Variants in ACSF2 observed in about 807,000 individuals in gnomAD.
ACSF2 encodes the protein acyl-CoA synthetase family member 2.
In ACSF2, 52 loss-of-function variants were observed where a neutral mutation model predicts 79.3. The ratio of observed to expected loss-of-function variants is 0.66; its 90% CI spans 0.53 to 0.83. ACSF2 has a LOEUF of 0.83. ACSF2 is among the 40% of genes least tolerant of loss of function. ACSF2 has a pLI of 0.00. For synonymous variants in ACSF2, 283 were observed against 312.6 expected, an observed-to-expected ratio of 0.91 and a Z score of 1.00; for missense variants, 661 against 803.3, an observed-to-expected ratio of 0.82 and a Z score of 2.14.
chr17:50,457,243 G>A (rs1282415612), intron 1 of ACSF2, among the ~76,000 whole-genome samples: 1 of 152,224 alleles, frequency 6.6e-6, no homozygotes, highest in Non-Finnish European at 1.5e-5. Context: ...TCCCATAGGA[G>A]AAGATGTGCT....
chr17:50,460,797 G>T lies in ACSF2; in HGVS notation c.249G>T (p.Gln83His). 6.2e-7 allele frequency: 1 copy of T among 1,612,742 alleles called. No homozygotes were observed. The highest frequency in any genetic ancestry group is 8.5e-7 in the Non-Finnish European group (1 of 1,179,328). ...TVGQCLETTA[Q>H]RVPEREALVV... ...GCCAGTGCCTGGAGACCACAGCACA[G>T]AGGGTCCCAGAACGAGAGGCCTTGG... Residue 83 changes from glutamine to histidine, a missense_variant, in exon 2 of 16, where the codon CAG becomes CAT. By Grantham distance (24) the Gln-to-His change is conservative (BLOSUM62 0). Coordinates refer to ENST00000300441, the MANE Select transcript of ACSF2 (RefSeq NM_025149.6).
chr17:50,433,833 C>T (rs571138825), intron 1 of ACSF2, among the ~76,000 whole-genome samples: 5 of 152,046 alleles, frequency 3.3e-5, no homozygotes, highest in Non-Finnish European at 7.4e-5. Context: ...CTTTGTTGCC[C>T]CAGGTGGTCT....
chr17:50,461,861 GTGGT>G (rs2143706905), intron 4 of ACSF2, among the ~76,000 whole-genome samples, 175 bp downstream of exon 4: 1 of 152,238 alleles, frequency 6.6e-6, no homozygotes, highest in African/African-American at 2.4e-5. Flanking sequence ...CAAGGAGAGC[GTGGT>G]TGGTCAGACA....
At position 50,460,741 on chromosome 17, in the gene ACSF2, A is replaced by G. The variant is rs751239668; in HGVS notation, c.193A>G (p.Thr65Ala). The change falls in exon 2 of 16, where the codon ACC (threonine) becomes GCC (alanine). Residue 65 changes from threonine to alanine, a missense_variant. Physicochemically the swap from Thr to Ala is moderately conservative, Grantham distance 58. Coordinates refer to ENST00000300441, the MANE Select transcript of ACSF2 (RefSeq NM_025149.6). ...IGGLSYVQGC[T>A]KKHLNSKTVG... ...AGGCCTCAGCTACGTTCAGGGGTGC[A>G]CCAAAAAGCATCTTAACAGCAAGAC... is the stretch of plus-strand genomic sequence containing the variant. The G allele has an allele frequency of 2.5e-6, 4 of 1,613,508 alleles. No homozygotes were observed. The highest frequency in any genetic ancestry group is 1.1e-5 in the South Asian group (1 of 90,864).
At chr17:50,462,974 T>G in intron 6 of ACSF2, 182 bp from the exon 7 acceptor site, 1 of 624,394 alleles carries the variant, frequency 1.6e-6, no homozygotes, top group Non-Finnish European at 2.8e-6. Context: ...AGACCTTATC[T>G]TCTGCATTGC....
chr17:50,446,622 C>T (rs570796701), intron 1 of ACSF2, among the ~76,000 whole-genome samples: 1 of 152,306 alleles, frequency 6.6e-6, no homozygotes, highest in African/African-American at 2.4e-5. Context: ...AATCAAGACA[C>T]AGAACATGAC....
chr17:50,455,206 C>G (rs996972309), intron 1 of ACSF2, among the ~76,000 whole-genome samples: 2 of 152,196 alleles, frequency 1.3e-5, no homozygotes, highest in Non-Finnish European at 2.9e-5. Context: ...TGGTCTCAAA[C>G]TCCTGACCTC....
chr17:50,462,143 G>A, intron 4 of ACSF2, 41 bp from the exon 5 acceptor site: 2 of 1,585,118 alleles, frequency 1.3e-6, no homozygotes, highest in Non-Finnish European at 1.7e-6. Flanking sequence ...TCTAGTCTGG[G>A]GCTCCCCGCT....
In ACSF2 at chr17:50,472,595, G is replaced by T. The variant is rs766884963; in HGVS notation, c.1475+16G>T. The T allele has an allele frequency of 1.3e-6, 2 of 1,574,410 alleles. No homozygotes were observed. Among genetic ancestry groups the T allele is most frequent in the East Asian group, 2.4e-5 (1 of 41,936 alleles). On this transcript the variant is annotated intron_variant, in intron 12 of 15. Transcript: ENST00000300441. ...ATTGGACAGGGTGAGAAGGCAGGGC[G>T]GGGTGGAGGCTCTGGCCGCTGAGGG...
At position 50,472,130 on chromosome 17, in the gene ACSF2, G is replaced by A. The variant is rs375963081; in HGVS notation, c.1324-298G>A. 1.8e-5 allele frequency: 7 copies of A among 388,460 alleles called. No individual in the cohort carries two copies. The East Asian group carries it at 3.0e-4, about 17-fold the overall frequency. The allele number at this position is 388,460 out of a possible 1,614,324, so 24.1% of individuals were successfully genotyped here. On this transcript the variant is annotated intron_variant, in intron 11 of 15. Transcript: ENST00000300441. ...CTGCACGGTTTATAATTCTTCAGCT[G>A]GCTCTGCAGTCCACAAACCTCTTTC...
In ACSF2 at chr17:50,461,656, G is replaced by C; in HGVS notation, c.477G>C (p.Gln159His). The C allele has an allele frequency of 6.2e-7, 1 of 1,614,136 alleles. No homozygotes were observed. Residue 159 changes from glutamine to histidine, a missense_variant, in exon 4 of 16, where the codon CAG (glutamine) becomes CAC (histidine). Transcript: ENST00000300441. ...IILVSVNPAY[Q>H]AMELEYVLKK... ...AGGTGTCTGTGAACCCAGCCTACCA[G>C]GCTATGGAACTGGAGTATGTCCTCA...
intron 1 of ACSF2, among the ~76,000 whole-genome samples, chr17:50,447,411 G>A (rs1008640333): frequency 2.0e-5 from 3 of 151,908 alleles, no homozygotes; most frequent in East Asian, 1.9e-4. Flanking sequence ...GTGGTGGTGC[G>A]CGCTTAGAGT....
chr17:50,464,638 C>T (rs1187206580), intron 10 of ACSF2: 22 of 497,662 alleles, frequency 4.4e-5, no homozygotes, highest in Non-Finnish European at 8.6e-5. Flanking sequence ...CTTTAAAACC[C>T]TTTCTGGAAG....
In ACSF2 at chr17:50,427,920, G is replaced by C. The variant is rs115659256; in HGVS notation, c.128+1531G>C. ...CATTTATCCAGACAGATGATTTTCT[G>C]AGTGTTTGGCCTACTTTCTTTCTGC... On this transcript the variant is annotated intron_variant, in intron 1 of 15. Coordinates refer to ENST00000300441, the MANE Select transcript of ACSF2 (RefSeq NM_025149.6). Among the ~76,000 whole-genome samples the C allele has an allele frequency of 2.7e-3, 405 of 152,292 alleles. 1 individual carries two copies. The highest frequency in any genetic ancestry group is 9.5e-3 in the African/African-American group (394 of 41,552).
chr17:50,449,816 C>T (rs2031555357), intron 1 of ACSF2, among the ~76,000 whole-genome samples: 2 of 152,150 alleles, frequency 1.3e-5, no homozygotes, highest in Non-Finnish European at 2.9e-5. Flanking sequence ...GTATTAAGTA[C>T]AGTACACTCA....
At chr17:50,430,035 A>G (rs1241691711) in intron 1 of ACSF2, among the ~76,000 whole-genome samples, 1 of 152,184 alleles carries the variant, frequency 6.6e-6, no homozygotes, top group African/African-American at 2.4e-5. Context: ...GGGGCTGCCT[A>G]TGAGGCAGCT....
At position 50,471,020 on chromosome 17, in the gene ACSF2, C is replaced by T. The variant is rs889742671; in HGVS notation, c.1216-8C>T. On this transcript the variant is annotated splice_region_variant and splice_polypyrimidine_tract_variant and intron_variant, in intron 10 of 15. Coordinates refer to ENST00000300441, the MANE Select transcript of ACSF2 (RefSeq NM_025149.6). This position sits in a 1 kb window ranked among gnomAD's most constrained non-coding sequence, Gnocchi z 4.1. Reference sequence around the variant, plus strand: ...GCCCTCTTCAAACACCCTTTCTGGACCCTCTAGGTTGCTTATGGAACCACA... The same window carrying T: ...GCCCTCTTCAAACACCCTTTCTGGATCCTCTAGGTTGCTTATGGAACCACA... The T allele has an allele frequency of 1.2e-6, 2 of 1,610,752 alleles. No individual in the cohort carries two copies. Among genetic ancestry groups the T allele is most frequent in the Admixed American group, 1.7e-5 (1 of 60,016 alleles).
intron 10 of ACSF2, chr17:50,469,120 C>T (rs2032968047): frequency 2.4e-6 from 2 of 821,708 alleles, no homozygotes; most frequent in African/African-American, 3.7e-5. Context: ...CCCCCGCTCT[C>T]CTATGGTGCT....
chr17:50,461,736 G>T (rs368410432), intron 4 of ACSF2, 50 bp downstream of exon 4: 1 of 1,606,304 alleles, frequency 6.2e-7, no homozygotes. Flanking sequence ...GGCACAGGGG[G>T]CTGCACAGAC....
Sources: allele counts gnomAD v4.1 joint callset (sites outside exome capture counted in the v4.1 genomes callset), GRCh38; gene constraint gnomAD v4.1.1; non-coding constraint Gnocchi (gnomAD v3.1); transcripts MANE v1.5; gene names NCBI Gene and HGNC (gene_info 2026-07-23, HGNC 2026-07-21).